The following MGAM2 variants were observed in gnomAD, a reference collection of about 807,000 sequenced individuals.
The protein encoded by MGAM2 is probable maltase-glucoamylase 2.
In MGAM2, 98 loss-of-function variants were observed where a neutral mutation model predicts 96.1. The ratio of observed to expected loss-of-function variants is 1.02; its 90% CI spans 0.87 to 1.21. The LOEUF is 1.21. Ranked by LOEUF, MGAM2 falls within the 50% of genes most tolerant of loss-of-function variation. The pLI is 0.00. For synonymous variants in MGAM2, 749 were observed against 414.8 expected (o/e 1.81, Z -9.79); for missense variants, 2,055 against 1,182.4 (o/e 1.74, Z -10.82).
chr7:142,166,238 G>A lies in MGAM2; in HGVS notation c.2793G>A (p.Arg931=). The A allele has an allele frequency of 1.4e-6, 1 of 700,826 alleles. No homozygotes were observed. Among genetic ancestry groups the A allele is most frequent in the Non-Finnish European group, 2.6e-6 (1 of 384,120 alleles). The allele number at this position is 700,826 out of a possible 1,614,324, so 43.4% of individuals were successfully genotyped here. A position where few individuals can be genotyped will look rare whatever the true frequency, so the allele number is the denominator to read the frequency against. The change falls in exon 25 of 48, where the codon CGG becomes CGA. Residue 931 remains arginine, a synonymous_variant. Coordinates refer to ENST00000477922, the MANE Select transcript of MGAM2 (RefSeq NM_001293626.2). Reference sequence around the variant, plus strand: ...CCTCTGAGGAGAGTTGTAGGCAGCGGGGGTGTCTTTGGGAGGTAAATGACC... The same window carrying A: ...CCTCTGAGGAGAGTTGTAGGCAGCGAGGGTGTCTTTGGGAGGTAAATGACC... The part of the protein sequence containing the change: ...PTASEESCRQ[R]GCLWEDTSTP...
At chr7:142,188,013 G>C (rs921422328) in intron 36 of MGAM2, among the ~76,000 whole-genome samples, 179 bp downstream of exon 36, 2 of 151,856 alleles carry the variant, frequency 1.3e-5, no homozygotes, top group African/African-American at 4.8e-5. Context: ...AAGAAATAAT[G>C]ACATGATGTG....
Position 142,170,459 on chromosome 7 carries a change from AAG to A in MGAM2, c.3182+232_3182+233del, listed in dbSNP as rs973661958. ...ATGAAGTATTGTTTGATTTCAGAGA[AAG>A]AAAAATACATGTTCTACTTACTGTT... On this transcript the variant is annotated intron_variant, in intron 27 of 47. Coordinates refer to ENST00000477922, the MANE Select transcript of MGAM2 (RefSeq NM_001293626.2). Among the ~76,000 whole-genome samples, 12 of 152,234 alleles carry A rather than the reference AAG, an allele frequency of 7.9e-5. No individual in the cohort carries two copies. In the South Asian group the frequency reaches 1.2e-3, roughly 16 times the overall value.
chr7:142,147,595 T>A, intron 15 of MGAM2, 22 bp downstream of exon 15: 2 of 696,086 alleles, frequency 2.9e-6, no homozygotes, highest in Non-Finnish European at 5.2e-6. Flanking sequence ...GTTTTCACCC[T>A]AATTCCAGAT....
chr7:142,204,197 C>T (rs542694896), intron 45 of MGAM2, among the ~76,000 whole-genome samples: 1 of 151,892 alleles, frequency 6.6e-6, no homozygotes, highest in East Asian at 1.9e-4. Flanking sequence ...AGTTCTTGTA[C>T]ATATTTTGTT....
intron 27 of MGAM2, among the ~76,000 whole-genome samples, chr7:142,170,736 A>G (rs1796159944): frequency 6.6e-6 from 1 of 152,140 alleles, no homozygotes; most frequent in South Asian, 2.1e-4. Flanking sequence ...AATGAAGTGA[A>G]AGTCTGGATT....
At chr7:142,151,009 T>G (rs778203893) in intron 15 of MGAM2, among the ~76,000 whole-genome samples, 1 of 152,248 alleles carries the variant, frequency 6.6e-6, no homozygotes, top group Non-Finnish European at 1.5e-5. Flanking sequence ...CTGACAGTTC[T>G]AGGAAAAGAT....
At chr7:142,180,268 C>T (rs1038771881) in intron 32 of MGAM2, among the ~76,000 whole-genome samples, 8 of 152,038 alleles carry the variant, frequency 5.3e-5, no homozygotes, top group Non-Finnish European at 1.2e-4. Flanking sequence ...AGCAGATGGC[C>T]TATAATCTTG....
At chr7:142,212,384 C>T (rs932137963) in intron 46 of MGAM2, among the ~76,000 whole-genome samples, 2 of 152,146 alleles carry the variant, frequency 1.3e-5, no homozygotes, top group Non-Finnish European at 2.9e-5. Flanking sequence ...GGGCTAAATG[C>T]TCTGATTAAA....
At chr7:142,189,573 G>T (rs1458008673) in intron 37 of MGAM2, 68 bp downstream of exon 37, 2 of 608,010 alleles carry the variant, frequency 3.3e-6, no homozygotes, top group Non-Finnish European at 2.9e-6. Flanking sequence ...TTTCATATTT[G>T]CATTGTGCAT....
At chr7:142,182,902 C>G (rs961179711) in intron 32 of MGAM2, among the ~76,000 whole-genome samples, 10 of 152,184 alleles carry the variant, frequency 6.6e-5, no homozygotes, top group Non-Finnish European at 1.2e-4. Flanking sequence ...CCGCATCTAG[C>G]TGGCCATATT....
chr7:142,186,018 C>T lies in MGAM2; in HGVS notation c.4017C>T (p.Asp1339=). Residue 1339 remains aspartate (D), a synonymous_variant, in exon 35 of 48, where the codon GAC becomes GAT. Transcript: ENST00000477922. ...KLYRAYVAFP[D]FFRNSTAAWW... ...ACAGGGCCTACGTTGCCTTTCCTGA[C>T]TTCTTTCGTAATAGCACAGCTGCGT... is the stretch of plus-strand genomic sequence containing the variant. 3 of 703,892 alleles carry T rather than the reference C, an allele frequency of 4.3e-6. No homozygotes were observed. Among genetic ancestry groups the T allele is most frequent in the Non-Finnish European group, 5.2e-6 (2 of 385,062 alleles). The allele number at this position is 703,892 out of a possible 1,614,324, so 43.6% of individuals were successfully genotyped here. A position where few individuals can be genotyped will look rare whatever the true frequency, so the allele number is the denominator to read the frequency against.
chr7:142,147,278 C>G (rs553078997), intron 14 of MGAM2, among the ~76,000 whole-genome samples, 178 bp from the exon 15 acceptor site: 1 of 152,252 alleles, frequency 6.6e-6, no homozygotes, highest in African/African-American at 2.4e-5. Flanking sequence ...CCTTGGAGGT[C>G]TCAATGTTAG....
intron 7 of MGAM2, 134 bp downstream of exon 7, chr7:142,134,286 T>C (rs1794991412): frequency 2.4e-6 from 1 of 414,358 alleles, no homozygotes; most frequent in Non-Finnish European, 4.3e-6. Context: ...ATATTTGTTC[T>C]TGAGGCCTAT....
At position 142,187,804 on chromosome 7, in the gene MGAM2, G is replaced by A. The variant is rs765971486; in HGVS notation, c.4177G>A (p.Glu1393Lys). 3.4e-5 allele frequency: 24 copies of A among 702,744 alleles called. No homozygotes were observed. The highest frequency in any genetic ancestry group is 1.0e-4 in the Admixed American group (5 of 50,010). 43.5% of individuals were successfully genotyped at this position (702,744 alleles called of 1,614,324 possible). Residue 1393 changes from glutamate to lysine, a missense_variant, in exon 36 of 48, where the codon GAA (glutamate) becomes AAA (lysine). Coordinates refer to ENST00000477922, the MANE Select transcript of MGAM2 (RefSeq NM_001293626.2). ...TGGATCTGTCAGGGGCTGCAGCAAT[G>A]AAATGCTAAATAACCCACCCTATAT... ...VDGSVRGCSN[E>K]MLNNPPYMPY... is the part of the protein sequence containing the mutation.
rs770360499 is a variant in MGAM2, at chr7:142,170,127, C to T, written c.3080C>T (p.Pro1027Leu). 1.4e-6 allele frequency: 1 copy of T among 702,876 alleles called. No homozygotes were observed. The highest frequency in any genetic ancestry group is 2.6e-6 in the Non-Finnish European group (1 of 384,956). 43.5% of individuals were successfully genotyped at this position (702,876 alleles called of 1,614,324 possible). ...RYEVPVPLNTPPQPVGDPENR... is the reference protein window; with the variant it reads ...RYEVPVPLNTLPQPVGDPENR... The stretch of plus-strand genomic sequence containing the variant: ...GAGGTTCCAGTACCACTGAACACCC[C>T]TCCCCAACCAGTTGGTGACCCTGAA... Residue 1027 changes from proline (P) to leucine (L), a missense_variant, in exon 27 of 48, where the codon CCT becomes CTT. Physicochemically the swap from Pro to Leu is moderately conservative, Grantham distance 98 (BLOSUM62 -3). Coordinates refer to ENST00000477922, the MANE Select transcript of MGAM2 (RefSeq NM_001293626.2).
intron 12 of MGAM2, 148 bp from the exon 13 acceptor site, chr7:142,143,621 A>AT: frequency 2.3e-6 from 1 of 440,178 alleles, no homozygotes; most frequent in Admixed American, 3.8e-5. Context: ...CCTTGTATGC[A>AT]TTTTATTGTT....
intron 1 of MGAM2, among the ~76,000 whole-genome samples, chr7:142,116,027 G>A (rs1050308361): frequency 1.3e-5 from 2 of 152,190 alleles, no homozygotes; most frequent in Non-Finnish European, 2.9e-5. Context: ...CATTGCAGCT[G>A]AGGGCTGTCA....
chr7:142,141,314 T>C (rs1424515007), intron 12 of MGAM2, among the ~76,000 whole-genome samples, 195 bp downstream of exon 12: 1 of 152,122 alleles, frequency 6.6e-6, no homozygotes, highest in Non-Finnish European at 1.5e-5. Flanking sequence ...AAGCTAGCCT[T>C]GATCCTCTAA....
intron 26 of MGAM2, among the ~76,000 whole-genome samples, chr7:142,169,232 G>A (rs1485687095): frequency 6.6e-6 from 1 of 152,068 alleles, no homozygotes; most frequent in Non-Finnish European, 1.5e-5. Flanking sequence ...AACCATCCTG[G>A]CCAACATGGT....
Sources: allele counts gnomAD v4.1 joint callset (sites outside exome capture counted in the v4.1 genomes callset), GRCh38; gene constraint gnomAD v4.1.1; transcripts MANE v1.5; gene names NCBI Gene and HGNC (gene_info 2026-07-23, HGNC 2026-07-21).